The following GPT2 variants were observed in gnomAD, a reference collection of about 807,000 sequenced individuals.
GPT2 encodes the protein glutamic--pyruvic transaminase 2, also known as alanine aminotransferase 2.
GPT2 carries 30 observed loss-of-function variants against 56.9 expected under a neutral mutation model. The observed-to-expected ratio is 0.53, with a 90% CI of 0.39 to 0.72. The LOEUF (loss-of-function observed/expected upper bound fraction) is 0.72. GPT2 is among the 30% of genes least tolerant of loss of function. The probability of loss-of-function intolerance (pLI) is 0.00; values close to 1 mark genes in which losing one functional copy is unlikely to be tolerated. For missense variants in GPT2, 542 were observed against 703.4 expected (o/e 0.77, Z 2.60); for synonymous variants, 271 against 283.1 (o/e 0.96, Z 0.43).
intron 7 of GPT2, among the ~76,000 whole-genome samples, chr16:46,918,321 G>C (rs1259286026): frequency 6.6e-6 from 1 of 152,196 alleles, no homozygotes; most frequent in Non-Finnish European, 1.5e-5. Flanking sequence ...GAGGATGGGG[G>C]TCTCAGCACC....
intron 4 of GPT2, among the ~76,000 whole-genome samples, chr16:46,903,703 G>A (rs1403174288): frequency 5.3e-5 from 8 of 152,166 alleles, no homozygotes; most frequent in Non-Finnish European, 1.0e-4. Flanking sequence ...CCTGGGGTGG[G>A]GCAGGAGCTG....
intron 3 of GPT2, among the ~76,000 whole-genome samples, chr16:46,899,013 ATATATATATATATATATATATAT>A (rs1406657888): frequency 9.7e-4 from 2 of 2,066 alleles, no homozygotes; most frequent in South Asian, 0.1. Context: ...ATATATATAT[ATATATATATATATATATATATAT>A]TTTTTTTTTT....
chr16:46,921,468 C>T (rs980149157), intron 8 of GPT2, among the ~76,000 whole-genome samples: 2 of 152,082 alleles, frequency 1.3e-5, no homozygotes, highest in Non-Finnish European at 2.9e-5. Flanking sequence ...CCACTTCACC[C>T]GGCTCCCCCA....
intron 5 of GPT2, among the ~76,000 whole-genome samples, chr16:46,907,410 G>T (rs185198367): frequency 1.0e-3 from 159 of 152,362 alleles, no homozygotes; most frequent in African/African-American, 3.6e-3. Context: ...TTCTGCAGTA[G>T]AGAAGGACAG....
chr16:46,890,040 C>G (rs1489145373), intron 2 of GPT2, among the ~76,000 whole-genome samples: 1 of 152,180 alleles, frequency 6.6e-6, no homozygotes, highest in Non-Finnish European at 1.5e-5. Flanking sequence ...CACGGATGCC[C>G]AGAGTTCAGG....
At chr16:46,920,424 C>T (rs780282783) in intron 8 of GPT2, among the ~76,000 whole-genome samples, 2 of 152,196 alleles carry the variant, frequency 1.3e-5, no homozygotes, top group African/African-American at 2.4e-5. Context: ...TAAGCCTGGA[C>T]ACATCTCATA....
chr16:46,893,576 CT>C (rs1212735833), intron 2 of GPT2, among the ~76,000 whole-genome samples: 3 of 152,232 alleles, frequency 2.0e-5, no homozygotes, highest in South Asian at 2.1e-4. Context: ...CCATCCGCCC[CT>C]GACCCTCATG....
At position 46,886,164 on chromosome 16, in the gene GPT2, G is replaced by C. The variant is rs112821951; in HGVS notation, c.243+1206G>C. Among the ~76,000 whole-genome samples the C allele has an allele frequency of 3.4e-3, 518 of 152,302 alleles. 5 individuals carry two copies. The highest frequency in any genetic ancestry group is 0.027 in the Middle Eastern group (8 of 294). On this transcript the variant is annotated intron_variant, in intron 2 of 11. Coordinates refer to ENST00000340124, the MANE Select transcript of GPT2 (RefSeq NM_133443.4). ...TGCAGGGCTAAGTTTAAAGCTGGCC[G>C]GGAGGAGGCTGGCTTTGTTTCTGTG... is the stretch of plus-strand genomic sequence containing the variant.
At chr16:46,898,991 T>A (rs1207728948) in intron 3 of GPT2, among the ~76,000 whole-genome samples, 5 of 76,968 alleles carry the variant, frequency 6.5e-5, no homozygotes, top group African/African-American at 1.7e-4. Context: ...TATATATATA[T>A]AACACACATA....
At chr16:46,885,203 G>T in intron 2 of GPT2, 1 of 1,256,452 alleles carries the variant, frequency 8.0e-7, no homozygotes, top group African/African-American at 1.6e-5. Context: ...TGTTGAGCGG[G>T]CCGTGCTGCC....
At chr16:46,887,810 C>T (rs898816904) in intron 2 of GPT2, among the ~76,000 whole-genome samples, 2 of 152,126 alleles carry the variant, frequency 1.3e-5, no homozygotes, top group African/African-American at 4.8e-5. Context: ...AGCTGAGTCC[C>T]TATCCTTTTT....
Position 46,884,975 on chromosome 16 carries a change from C to G in GPT2, c.243+17C>G. On this transcript the variant is annotated intron_variant, in intron 2 of 11. Transcript: ENST00000340124. ...CTGCAGCGGGTGAGCGCGCGCTGGG[C>G]CCCGGGGAGGCTGGGGCCGCTGAGC... is the stretch of plus-strand genomic sequence containing the variant. 1 of 1,466,394 alleles carries G rather than the reference C, an allele frequency of 6.8e-7. No individual in the cohort carries two copies. The highest frequency in any genetic ancestry group is 2.8e-5 in the East Asian group (1 of 35,354). 90.8% of individuals were successfully genotyped at this position (1,466,394 alleles called of 1,614,324 possible). A position where few individuals can be genotyped will look rare whatever the true frequency, so the allele number is the denominator to read the frequency against.
intron 2 of GPT2, among the ~76,000 whole-genome samples, chr16:46,892,334 T>A (rs1014553507): frequency 1.3e-5 from 2 of 152,256 alleles, no homozygotes; most frequent in Non-Finnish European, 2.9e-5. Context: ...ATTCATCTAC[T>A]GATGGACACT....
chr16:46,899,365 T>G (rs1047694256), intron 3 of GPT2, among the ~76,000 whole-genome samples: 1 of 152,184 alleles, frequency 6.6e-6, no homozygotes, highest in Non-Finnish European at 1.5e-5. Flanking sequence ...GTTCATGGGC[T>G]AGGGCCATCA....
chr16:46,922,092 A>G, intron 8 of GPT2, 150 bp from the exon 9 acceptor site: 1 of 668,814 alleles, frequency 1.5e-6, no homozygotes, highest in South Asian at 1.8e-5. Flanking sequence ...CACAATCATC[A>G]CTGTTGTTCA....
At chr16:46,923,976 G>T (rs1161233313) in intron 9 of GPT2, 1 of 334,020 alleles carries the variant, frequency 3.0e-6, no homozygotes, top group African/African-American at 2.1e-5. Flanking sequence ...CAGGCTGCTG[G>T]GCTCTACCCT....
At chr16:46,903,124 C>T (rs1567336667) in intron 4 of GPT2, among the ~76,000 whole-genome samples, 1 of 151,600 alleles carries the variant, frequency 6.6e-6, no homozygotes, top group Non-Finnish European at 1.5e-5. Context: ...TGGCGGGTGC[C>T]TGTAATCCCA....
intron 4 of GPT2, among the ~76,000 whole-genome samples, chr16:46,901,964 C>T (rs1960828315): frequency 6.6e-6 from 1 of 152,274 alleles, no homozygotes; most frequent in South Asian, 2.1e-4. Context: ...CCCCTGCACC[C>T]TCTGCCTGGC....
At chr16:46,900,344 G>C (rs1181128358) in intron 3 of GPT2, among the ~76,000 whole-genome samples, 1 of 152,120 alleles carries the variant, frequency 6.6e-6, no homozygotes, top group Non-Finnish European at 1.5e-5. Context: ...CCTGCCCCCT[G>C]CTCTGCAAAC....
Sources: gnomAD v4.1 joint callset for allele counts (sites outside exome capture counted in the v4.1 genomes callset) on GRCh38, gnomAD v4.1.1 for gene constraint, MANE v1.5 for transcripts, NCBI Gene and HGNC (gene_info 2026-07-23, HGNC 2026-07-21) for gene names.